Variants in CDH13 observed in about 807,000 individuals in gnomAD.
CDH13 encodes the protein cadherin 13, also known as cadherin-13.
Under a neutral mutation model 63.8 loss-of-function variants are expected in CDH13, and 24 were observed. The ratio of observed to expected loss-of-function variants is 0.38; its 90% CI spans 0.27 to 0.53. The LOEUF (loss-of-function observed/expected upper bound fraction) is 0.53. Among genes scored for constraint, CDH13 ranks in the 20% least tolerant of loss-of-function variants. CDH13 has a pLI of 0.85. For synonymous variants in CDH13, 503 were observed against 355.3 expected (o/e 1.42, Z -4.67); for missense variants, 1,049 against 903.1 (o/e 1.16, Z -2.07).
chr16:82,668,917 C>T (rs1402046075), intron 1 of CDH13, among the ~76,000 whole-genome samples: 1 of 152,180 alleles, frequency 6.6e-6, no homozygotes, highest in Non-Finnish European at 1.5e-5. Flanking sequence ...TGAGTTTACC[C>T]CTGTGTAAAG....
chr16:83,491,951 A>G (rs1001358474), intron 7 of CDH13, among the ~76,000 whole-genome samples: 2 of 152,148 alleles, frequency 1.3e-5, no homozygotes, highest in African/African-American at 4.8e-5. Flanking sequence ...TCTTAGATTT[A>G]TGTGCATTTA....
Position 82,796,303 on chromosome 16 carries a change from C to A in CDH13, c.46-62059C>A, listed in dbSNP as rs115315708. On this transcript the variant is annotated intron_variant, in intron 1 of 13. Coordinates refer to ENST00000567109, the MANE Select transcript of CDH13 (RefSeq NM_001257.5). ...TATGGGGTACCTGGGAAACATCAAGCCTTACCTAGAATCATCTTTCCAATC... is the reference window on the plus strand; with the variant it reads ...TATGGGGTACCTGGGAAACATCAAGACTTACCTAGAATCATCTTTCCAATC... Among the ~76,000 whole-genome samples, 6 of 152,164 alleles carry A rather than the reference C, an allele frequency of 3.9e-5. No individual in the cohort carries two copies. In the East Asian group the frequency reaches 1.2e-3, roughly 29 times the overall value.
At chr16:83,559,232 C>A (rs1003232982) in intron 7 of CDH13, among the ~76,000 whole-genome samples, 21 of 152,166 alleles carry the variant, frequency 1.4e-4, no homozygotes, top group Non-Finnish European at 2.8e-4. Context: ...ATGAGCCAGG[C>A]AATGTGTTGA....
chr16:82,703,077 A>G (rs564629043), intron 1 of CDH13, among the ~76,000 whole-genome samples: 1 of 152,208 alleles, frequency 6.6e-6, no homozygotes, highest in East Asian at 1.9e-4. Context: ...TGCAGAGGTT[A>G]CCATTGCTTA....
In CDH13 at chr16:82,895,051, G is replaced by A. The variant is rs138757472; in HGVS notation, c.157+36578G>A. Among the ~76,000 whole-genome samples the A allele has an allele frequency of 2.9e-4, 44 of 152,310 alleles. No individual in the cohort carries two copies. The East Asian group carries it at 8.1e-3, about 28-fold the overall frequency. ...ATGTTTTCCTTCTTCCTGTCAAGGT[G>A]AAATTTATATGACGTAGAATCACTC... On this transcript the variant is annotated intron_variant, in intron 2 of 13. Coordinates refer to ENST00000567109, the MANE Select transcript of CDH13 (RefSeq NM_001257.5).
At chr16:83,346,295 C>G (rs1359947684) in intron 6 of CDH13, among the ~76,000 whole-genome samples, 1 of 152,160 alleles carries the variant, frequency 6.6e-6, no homozygotes, top group Non-Finnish European at 1.5e-5. Context: ...CGTGGCCCCT[C>G]TCTGTGAGCT....
At chr16:82,890,242 A>C (rs2041031942) in intron 2 of CDH13, among the ~76,000 whole-genome samples, 3 of 152,208 alleles carry the variant, frequency 2.0e-5, no homozygotes, top group Non-Finnish European at 4.4e-5. Context: ...TCCCAAAAGA[A>C]ATGCTCCAGG....
intron 6 of CDH13, among the ~76,000 whole-genome samples, chr16:83,462,831 T>C (rs985667487): frequency 6.6e-6 from 1 of 152,136 alleles, no homozygotes; most frequent in African/African-American, 2.4e-5. Flanking sequence ...TCTCTAATAC[T>C]ATTTGTTCAC....
At chr16:83,212,728 G>T (rs924853923) in intron 4 of CDH13, among the ~76,000 whole-genome samples, 9 of 152,154 alleles carry the variant, frequency 5.9e-5, no homozygotes, top group Non-Finnish European at 1.2e-4. Flanking sequence ...TCAAACTTGG[G>T]TATGCGTGAG....
chr16:83,265,109 A>C (rs899302296), intron 5 of CDH13, among the ~76,000 whole-genome samples: 1 of 152,176 alleles, frequency 6.6e-6, no homozygotes, highest in African/African-American at 2.4e-5. Flanking sequence ...AATGTCTTTA[A>C]ATGTCTCAAG....
At chr16:83,643,786 A>T (rs76494924) in intron 8 of CDH13, among the ~76,000 whole-genome samples, 1,817 of 152,326 alleles carry the variant, frequency 0.012, 10 homozygotes, top group Non-Finnish European at 0.018. Context: ...CTGCAAATTC[A>T]TAGTTTACTT....
At chr16:82,632,681 A>T (rs144475014) in intron 1 of CDH13, among the ~76,000 whole-genome samples, 348 of 152,314 alleles carry the variant, frequency 2.3e-3, no homozygotes, top group African/African-American at 7.9e-3. Context: ...GGTTTCGTGG[A>T]AGACAATTTT....
intron 7 of CDH13, among the ~76,000 whole-genome samples, chr16:83,590,858 C>T (rs114697555): frequency 1.1e-3 from 161 of 150,630 alleles, no homozygotes; most frequent in African/African-American, 3.6e-3. Flanking sequence ...ATAAATGCTG[C>T]AGGTGGGCTG....
chr16:83,110,662 G>C (rs779401361), intron 3 of CDH13, among the ~76,000 whole-genome samples: 1 of 152,108 alleles, frequency 6.6e-6, no homozygotes, highest in Admixed American at 6.5e-5. Context: ...CTGGTTAGTA[G>C]TATGGTAATA....
rs112976584 is a variant in CDH13, at chr16:83,286,638, C to T, written c.637-58224C>T. ...AGGCATGGCAGCATGCGCTGGTAGT[C>T]CCAGCTACTTGGGGGGCTGAGGCAG... On this transcript the variant is annotated intron_variant, in intron 5 of 13. Transcript: ENST00000567109. Among the ~76,000 whole-genome samples the T allele has an allele frequency of 4.1e-3, 616 of 151,894 alleles. 9 individuals are homozygous for T. The highest frequency in any genetic ancestry group is 0.011 in the African/African-American group (457 of 41,422).
At chr16:83,121,204 A>G (rs2035557618) in intron 3 of CDH13, among the ~76,000 whole-genome samples, 2 of 152,210 alleles carry the variant, frequency 1.3e-5, no homozygotes, top group East Asian at 3.9e-4. Flanking sequence ...TTCACTTCCT[A>G]GAGACTAAAG....
At chr16:82,933,006 C>T (rs578093983) in intron 2 of CDH13, among the ~76,000 whole-genome samples, 93 of 152,108 alleles carry the variant, frequency 6.1e-4, no homozygotes, top group African/African-American at 2.1e-3. Context: ...ATTGACTTAC[C>T]AATTTCATAT....
intron 1 of CDH13, among the ~76,000 whole-genome samples, chr16:82,827,551 T>C (rs893455130): frequency 6.6e-5 from 10 of 152,082 alleles, no homozygotes; most frequent in Admixed American, 5.9e-4. Context: ...TTTAGGAGTA[T>C]ACTGTGGACT....
intron 3 of CDH13, among the ~76,000 whole-genome samples, chr16:83,108,389 C>A (rs1182763878): frequency 6.6e-6 from 1 of 152,114 alleles, no homozygotes; most frequent in Non-Finnish European, 1.5e-5. Context: ...GGCTCACAGC[C>A]ACATAAAAGG....
Sources: allele counts gnomAD v4.1 joint callset (sites outside exome capture counted in the v4.1 genomes callset), GRCh38; gene constraint gnomAD v4.1.1; transcripts MANE v1.5; gene names NCBI Gene and HGNC (gene_info 2026-07-23, HGNC 2026-07-21).